Variants in BRINP1 observed in about 807,000 individuals in gnomAD.
BRINP1 encodes BMP/retinoic acid-inducible neural-specific protein 1.
BRINP1 carries 17 observed loss-of-function variants against 72.9 expected under a neutral mutation model. The observed-to-expected ratio is 0.23, with a 90% CI of 0.16 to 0.35. The LOEUF (loss-of-function observed/expected upper bound fraction) is 0.35, where lower values mean the gene tolerates loss of function less well. BRINP1 is among the 10% of genes least tolerant of loss of function. The pLI, the probability that BRINP1 is intolerant of heterozygous loss-of-function variation, is 1.00. For synonymous variants in BRINP1, 418 were observed against 378.5 expected, an observed-to-expected ratio of 1.10 and a Z score of -1.21; for missense variants, 850 against 1,001.6, an observed-to-expected ratio of 0.85 and a Z score of 2.04.
At chr9:119,175,273 A>T (rs993491366) in intron 7 of BRINP1, among the ~76,000 whole-genome samples, 1 of 152,072 alleles carries the variant, frequency 6.6e-6, no homozygotes, top group African/African-American at 2.4e-5. Context: ...ACATAAGAAC[A>T]GAAAACAAAA....
intron 1 of BRINP1, among the ~76,000 whole-genome samples, chr9:119,341,012 G>A (rs1194784031): frequency 1.3e-5 from 2 of 152,136 alleles, no homozygotes; most frequent in Admixed American, 1.3e-4. Flanking sequence ...TCTTCTAAGG[G>A]TTAAGATAGC....
Position 119,242,120 on chromosome 9 carries a change from G to A in BRINP1, c.506C>T (p.Ser169Leu). 1.2e-6 allele frequency: 2 copies of A among 1,614,152 alleles called. No homozygotes were observed. The highest frequency in any genetic ancestry group is 1.7e-6 in the Non-Finnish European group (2 of 1,180,022). Residue 169 changes from serine to leucine, a missense_variant, in exon 4 of 8, where the codon TCA becomes TTA. Ser to Leu is a moderately radical substitution (Grantham distance 145). Transcript: ENST00000265922. ...ACCATCACGGTCAACAAAGTAGGATGATGCGAGCTGGTGCAGAGCTTCAAC... is the reference window on the plus strand; with the variant it reads ...ACCATCACGGTCAACAAAGTAGGATAATGCGAGCTGGTGCAGAGCTTCAAC... The part of the protein sequence containing the change: ...QSVEALHQLA[S>L]SYFVDRDGTM...
intron 5 of BRINP1, among the ~76,000 whole-genome samples, chr9:119,228,328 T>TTAATAATTATATA (rs1198605401): frequency 3.3e-5 from 5 of 152,030 alleles, no homozygotes; most frequent in African/African-American, 1.2e-4. Context: ...AGGAATTATA[T>TTAATAATTATATA]TATATATAAT....
At chr9:119,320,733 G>T (rs575970528) in intron 1 of BRINP1, among the ~76,000 whole-genome samples, 1 of 152,152 alleles carries the variant, frequency 6.6e-6, no homozygotes, top group African/African-American at 2.4e-5. Context: ...GGACAGGGTG[G>T]GTTCAATGCT....
rs1395708175 is a variant in BRINP1, at chr9:119,229,839, C to T, written c.685+8816G>A. On this transcript the variant is annotated intron_variant, in intron 5 of 7. Transcript: ENST00000265922. ...AGAGTTCACTATGGGCTGAGTGATT[C>T]ATTCATGTATTCATTCACACAGTCG... Among the ~76,000 whole-genome samples the T allele has an allele frequency of 2.0e-5, 3 of 152,070 alleles. No homozygotes were observed. The East Asian group carries it at 5.8e-4, about 29-fold the overall frequency.
intron 7 of BRINP1, among the ~76,000 whole-genome samples, chr9:119,185,693 T>C (rs1829609474): frequency 6.6e-6 from 1 of 152,106 alleles, no homozygotes; most frequent in Non-Finnish European, 1.5e-5. Flanking sequence ...TGCTACCTCC[T>C]CTCCCCGGTC....
At chr9:119,332,104 TA>T (rs1388122311) in intron 1 of BRINP1, among the ~76,000 whole-genome samples, 1 of 152,114 alleles carries the variant, frequency 6.6e-6, no homozygotes, top group East Asian at 1.9e-4. Context: ...AAACTCTGAA[TA>T]AAAAGCTGTG....
chr9:119,315,808 G>GT (rs953075771), intron 1 of BRINP1, among the ~76,000 whole-genome samples: 1 of 152,172 alleles, frequency 6.6e-6, no homozygotes, highest in African/African-American at 2.4e-5. Context: ...AGAGGTCTGG[G>GT]TAGCAGGTCA....
intron 2 of BRINP1, among the ~76,000 whole-genome samples, chr9:119,308,461 A>G (rs1337381248): frequency 6.6e-6 from 1 of 152,146 alleles, no homozygotes; most frequent in African/African-American, 2.4e-5. Context: ...CCCCATGTAC[A>G]ATATCTGGCA....
chr9:119,171,747 G>A (rs1424112292), intron 7 of BRINP1, among the ~76,000 whole-genome samples: 3 of 117,376 alleles, frequency 2.6e-5, no homozygotes, highest in African/African-American at 7.4e-5. Flanking sequence ...GCTCTCCTCA[G>A]CAAATGTAAA....
intron 2 of BRINP1, among the ~76,000 whole-genome samples, chr9:119,255,625 A>G (rs975688804): frequency 2.0e-5 from 3 of 152,122 alleles, no homozygotes; most frequent in Admixed American, 2.0e-4. Context: ...GGTACACTCA[A>G]TGACACAGTG....
chr9:119,226,615 T>G (rs1221877506), intron 5 of BRINP1, among the ~76,000 whole-genome samples: 1 of 152,004 alleles, frequency 6.6e-6, no homozygotes, highest in Non-Finnish European at 1.5e-5. Flanking sequence ...GCAGCTCTTT[T>G]TACAGTCATA....
intron 7 of BRINP1, 78 bp downstream of exon 7, chr9:119,208,641 G>A (rs1829884685): frequency 7.0e-7 from 1 of 1,423,690 alleles, no homozygotes; most frequent in Admixed American, 1.8e-5. Context: ...CATCTGCATT[G>A]CATTTCACTC....
chr9:119,226,422 A>G (rs1367425656), intron 5 of BRINP1, among the ~76,000 whole-genome samples: 1 of 152,024 alleles, frequency 6.6e-6, no homozygotes, highest in African/African-American at 2.4e-5. Context: ...GTACTTGGCC[A>G]CAAGTTTATT....
chr9:119,356,931 C>T (rs1831573737), intron 1 of BRINP1, among the ~76,000 whole-genome samples: 1 of 152,144 alleles, frequency 6.6e-6, no homozygotes, highest in Non-Finnish European at 1.5e-5. Flanking sequence ...GTTGCCAAAA[C>T]TGGATGCTGC....
chr9:119,283,742 A>G (rs1830734435), intron 2 of BRINP1, among the ~76,000 whole-genome samples: 1 of 152,180 alleles, frequency 6.6e-6, no homozygotes, highest in Admixed American at 6.5e-5. Context: ...CATGTTGGCC[A>G]GGCTGATCTC....
chr9:119,221,984 T>G (rs1830045508), intron 5 of BRINP1, among the ~76,000 whole-genome samples: 1 of 152,096 alleles, frequency 6.6e-6, no homozygotes, highest in Admixed American at 6.6e-5. Flanking sequence ...TCTTATAATG[T>G]CCCCTCTTAG....
intron 6 of BRINP1, among the ~76,000 whole-genome samples, chr9:119,211,361 C>T (rs1248744559): frequency 3.9e-5 from 6 of 152,108 alleles, no homozygotes; most frequent in African/African-American, 1.2e-4. Flanking sequence ...CCACACCCGG[C>T]TAATTTTGTA....
chr9:119,292,537 C>T (rs539715258), intron 2 of BRINP1, among the ~76,000 whole-genome samples: 8 of 152,164 alleles, frequency 5.3e-5, no homozygotes, highest in East Asian at 1.9e-4. Flanking sequence ...AATATGTAAA[C>T]GAATGAATGA....
Sources: allele counts gnomAD v4.1 joint callset (sites outside exome capture counted in the v4.1 genomes callset), GRCh38; gene constraint gnomAD v4.1.1; transcripts MANE v1.5; gene names NCBI Gene and HGNC (gene_info 2026-07-23, HGNC 2026-07-21).